NDUFAF7: variants seen among roughly 807,000 people sequenced by gnomAD.
NDUFAF7 encodes the protein protein arginine methyltransferase NDUFAF7, mitochondrial.
Under a neutral mutation model 47.2 loss-of-function variants are expected in NDUFAF7, and 48 were observed. The observed-to-expected ratio is 1.02, with a 90% confidence interval of 0.81 to 1.29. The LOEUF (loss-of-function observed/expected upper bound fraction) is 1.29, where lower values mean the gene tolerates loss of function less well. Among genes scored for constraint, NDUFAF7 ranks in the 50% most tolerant of loss-of-function variants. The pLI is 0.00. For synonymous variants in NDUFAF7, 217 were observed against 190.0 expected (o/e 1.14, Z -1.17); for missense variants, 635 against 537.6 (o/e 1.18, Z -1.79).
chr2:37,252,411 T>C (rs1430868332), downstream of NDUFAF7: 4 of 152,168 alleles, frequency 2.6e-5, no homozygotes, highest in Non-Finnish European at 5.9e-5. Flanking sequence ...GACATACAAC[T>C]CAGCACTTAG....
At chr2:37,251,233 C>G (rs1255197388), downstream of NDUFAF7, 4 of 152,456 alleles carry the variant, frequency 2.6e-5, no homozygotes, top group Admixed American at 2.0e-4. Flanking sequence ...TTGATTTAAT[C>G]TTTGAAGCTT....
rs148701137 is a variant in NDUFAF7, at chr2:37,232,128, G to T, written c.78G>T (p.Gly26=). The change falls in exon 2 of 10, where the codon GGG becomes GGT. Residue 26 remains glycine, a synonymous_variant. Transcript: ENST00000002125. The part of the protein sequence containing the change: ...ARAAIPFIWR[G]KYFSSGNEPA... ...CAGCCATTCCTTTTATTTGGAGAGG[G>T]AAATACTTCAGCTCCGGGAATGAGC... is the stretch of plus-strand genomic sequence containing the variant. 4 of 1,614,104 alleles carry T rather than the reference G, an allele frequency of 2.5e-6. No individual in the cohort carries two copies. In the African/African-American group the frequency reaches 5.3e-5, roughly 22 times the overall value.
At chr2:37,269,279 G>C in the NDUFAF7 span, 23 of 247,838 alleles carry the variant, frequency 9.3e-5, no homozygotes, top group Non-Finnish European at 1.7e-4. Flanking sequence ...AAAACTAGTA[G>C]GGAATATACT....
intron 5 of NDUFAF7, 118 bp from the exon 6 acceptor site, chr2:37,242,516 GA>G: frequency 1.3e-6 from 1 of 745,968 alleles, no homozygotes. Context: ...TGAAGAGGTA[GA>G]TAATTCTGTG....
chr2:37,261,976 T>C, the NDUFAF7 span, among the ~76,000 whole-genome samples: 2 of 152,208 alleles, frequency 1.3e-5, no homozygotes, highest in Non-Finnish European at 1.5e-5. Context: ...ATGGTCTTTG[T>C]GTTAGATGAT....
intron 2 of NDUFAF7, among the ~76,000 whole-genome samples, chr2:37,234,901 C>T (rs183737847): frequency 6.6e-6 from 1 of 152,258 alleles, no homozygotes; most frequent in East Asian, 1.9e-4. Context: ...TGGAGTGAGA[C>T]TGGGGCCCAT....
At chr2:37,244,208 G>T (rs1247175141) in intron 7 of NDUFAF7, among the ~76,000 whole-genome samples, 1 of 152,070 alleles carries the variant, frequency 6.6e-6, no homozygotes, top group Non-Finnish European at 1.5e-5. Flanking sequence ...GTAAGTAACC[G>T]CTTACTCAGC....
At chr2:37,242,591 C>T (rs1042736664) in intron 5 of NDUFAF7, 44 bp from the exon 6 acceptor site, 1 of 1,448,502 alleles carries the variant, frequency 6.9e-7, no homozygotes, top group African/African-American at 1.4e-5. Flanking sequence ...GAATTAATTC[C>T]TGTGAAATGT....
At chr2:37,242,586 A>G in intron 5 of NDUFAF7, 49 bp from the exon 6 acceptor site, 1 of 1,430,928 alleles carries the variant, frequency 7.0e-7, no homozygotes, top group Non-Finnish European at 9.8e-7. Context: ...CAAAAGAATT[A>G]ATTCCTGTGA....
intron 5 of NDUFAF7, chr2:37,241,999 G>A (rs1256522259): frequency 1.7e-6 from 1 of 587,814 alleles, no homozygotes; most frequent in African/African-American, 1.9e-5. Flanking sequence ...ATTTCATGAA[G>A]CTTTGTAAAA....
chr2:37,232,740 A>G (rs1665300835), intron 2 of NDUFAF7, among the ~76,000 whole-genome samples: 1 of 152,190 alleles, frequency 6.6e-6, no homozygotes, highest in African/African-American at 2.4e-5. Flanking sequence ...CATTGGAGAC[A>G]TGTGCTGGGT....
At chr2:37,236,531 C>CT (rs1665779526) in intron 3 of NDUFAF7, among the ~76,000 whole-genome samples, 1 of 151,952 alleles carries the variant, frequency 6.6e-6, no homozygotes, top group Non-Finnish European at 1.5e-5. Flanking sequence ...AATCCCAGCA[C>CT]TTTGGGAGGC....
At chr2:37,253,462 A>G, downstream of NDUFAF7, 1 of 806,062 alleles carries the variant, frequency 1.2e-6, no homozygotes, top group Non-Finnish European at 1.9e-6. Context: ...CAAATAATTG[A>G]CAGGCGCTAC....
intron 7 of NDUFAF7, among the ~76,000 whole-genome samples, chr2:37,245,139 T>C (rs2148433810): frequency 6.6e-6 from 1 of 152,308 alleles, no homozygotes; most frequent in African/African-American, 2.4e-5. Context: ...CTACAATATC[T>C]ATAAGGAAGA....
chr2:37,263,808 C>T, the NDUFAF7 span, among the ~76,000 whole-genome samples: 1 of 152,120 alleles, frequency 6.6e-6, no homozygotes, highest in Non-Finnish European at 1.5e-5. Flanking sequence ...TGTTGGAAAT[C>T]TACATGATTT....
At chr2:37,253,017 T>A, downstream of NDUFAF7, 1 of 618,624 alleles carries the variant, frequency 1.6e-6, no homozygotes, top group Non-Finnish European at 2.5e-6. Flanking sequence ...TTCCCGCCTG[T>A]ACCTACTCAT....
At chr2:37,245,025 C>T (rs903940829) in intron 7 of NDUFAF7, among the ~76,000 whole-genome samples, 4 of 152,220 alleles carry the variant, frequency 2.6e-5, no homozygotes, top group Admixed American at 6.5e-5. Flanking sequence ...AGCGTGTCCA[C>T]TGATGCCTGA....
chr2:37,267,214 G>T, the NDUFAF7 span, among the ~76,000 whole-genome samples: 1 of 152,038 alleles, frequency 6.6e-6, no homozygotes, highest in Non-Finnish European at 1.5e-5. Flanking sequence ...CTCCTGGAAT[G>T]AATTAAGAAT....
chr2:37,267,972 T>TA, the NDUFAF7 span: 1 of 187,860 alleles, frequency 5.3e-6, no homozygotes, highest in African/African-American at 2.4e-5. Flanking sequence ...AATCTAGATA[T>TA]AAAAAATTTA....
Sources: allele counts gnomAD v4.1 joint callset (sites outside exome capture counted in the v4.1 genomes callset), GRCh38; gene constraint gnomAD v4.1.1; transcripts MANE v1.5; gene names NCBI Gene and HGNC (gene_info 2026-07-23, HGNC 2026-07-21).